Variants in KCNN2 observed in about 807,000 individuals in gnomAD.
KCNN2 encodes small conductance calcium-activated potassium channel protein 2.
Under a neutral mutation model 55.5 loss-of-function variants are expected in KCNN2, and 24 were observed. The ratio of observed to expected loss-of-function variants is 0.43; its 90% CI spans 0.31 to 0.61. The LOEUF (loss-of-function observed/expected upper bound fraction) is 0.61, where lower values mean the gene tolerates loss of function less well. Ranked by LOEUF, KCNN2 falls within the 20% of genes least tolerant of loss-of-function variation. KCNN2 has a pLI of 0.08. For synonymous variants in KCNN2, 431 were observed against 336.1 expected, an observed-to-expected ratio of 1.28 and a Z score of -3.09; for missense variants, 754 against 853.6, an observed-to-expected ratio of 0.88 and a Z score of 1.45.
chr5:114,325,937 G>T (rs1302391301), intron 2 of KCNN2, among the ~76,000 whole-genome samples: 1 of 152,208 alleles, frequency 6.6e-6, no homozygotes, highest in Non-Finnish European at 1.5e-5. Flanking sequence ...AATACTTCCA[G>T]TGGGGTCTGG....
intron 2 of KCNN2, among the ~76,000 whole-genome samples, chr5:114,371,164 C>G (rs1580758895): frequency 6.6e-6 from 1 of 152,138 alleles, no homozygotes; most frequent in African/African-American, 2.4e-5. Flanking sequence ...GAAGGGAAGA[C>G]TCAAATTGAG....
intron 5 of KCNN2, among the ~76,000 whole-genome samples, chr5:114,479,580 G>T (rs1362311678): frequency 3.3e-5 from 5 of 151,456 alleles, no homozygotes; most frequent in African/African-American, 9.7e-5. Flanking sequence ...AATACACATT[G>T]TTCTGATCGC....
chr5:114,329,717 A>G (rs1466137824), intron 2 of KCNN2, among the ~76,000 whole-genome samples: 1 of 152,150 alleles, frequency 6.6e-6, no homozygotes. Context: ...TCTCCTTTAT[A>G]TATACATATA....
At chr5:114,223,464 T>C (rs1447700755) in intron 2 of KCNN2, among the ~76,000 whole-genome samples, 2 of 152,160 alleles carry the variant, frequency 1.3e-5, no homozygotes, top group African/African-American at 2.4e-5. Context: ...ATAAATAATA[T>C]ATGATGATCA....
At chr5:114,123,879 A>G (rs772656197) in intron 1 of KCNN2, among the ~76,000 whole-genome samples, 12 of 152,058 alleles carry the variant, frequency 7.9e-5, no homozygotes, top group Non-Finnish European at 4.4e-5. Context: ...TGGTTTCTTG[A>G]TGCTCTTACT....
At chr5:114,263,731 C>T (rs1755156739) in intron 2 of KCNN2, among the ~76,000 whole-genome samples, 1 of 152,148 alleles carries the variant, frequency 6.6e-6, no homozygotes, top group Non-Finnish European at 1.5e-5. Flanking sequence ...AAGAGTGATT[C>T]CATTAGCTAA....
intron 7 of KCNN2, among the ~76,000 whole-genome samples, chr5:114,495,435 A>G (rs1748066359): frequency 6.6e-6 from 1 of 152,250 alleles, no homozygotes; most frequent in Admixed American, 6.5e-5. Flanking sequence ...CATTTCTGCT[A>G]CATCCCAATG....
chr5:114,081,768 C>G (rs916089954), intron 1 of KCNN2, among the ~76,000 whole-genome samples: 2 of 152,072 alleles, frequency 1.3e-5, no homozygotes, highest in Non-Finnish European at 2.9e-5. Flanking sequence ...GTAAACAAAT[C>G]AGATTTCATG....
chr5:114,150,119 C>T lies in KCNN2; in HGVS notation c.-270-71361C>T, dbSNP rs572208949. Among the ~76,000 whole-genome samples the T allele has an allele frequency of 1.5e-4, 23 of 152,296 alleles. No individual in the cohort carries two copies. In the South Asian group the frequency reaches 4.4e-3, roughly 29 times the overall value. On this transcript the variant is annotated intron_variant, in intron 1 of 10. Transcript: ENST00000512097. The stretch of plus-strand genomic sequence containing the variant: ...CGTACTGTTGGCTCATTCTGGCAGT[C>T]CAACCTGGCATTGACTTTACATAGT...
intron 2 of KCNN2, among the ~76,000 whole-genome samples, chr5:114,241,634 G>A (rs377676623): frequency 6.8e-6 from 1 of 147,906 alleles, no homozygotes; most frequent in Non-Finnish European, 1.5e-5. Context: ...AGGCAAAAAC[G>A]TAATCTATGT....
intron 1 of KCNN2, among the ~76,000 whole-genome samples, chr5:114,187,189 C>A (rs1753351242): frequency 6.6e-6 from 1 of 152,032 alleles, no homozygotes; most frequent in Non-Finnish European, 1.5e-5. Flanking sequence ...TTATTTGTTA[C>A]CTTATATTAA....
rs183507562 is a variant in KCNN2 at position 114,428,017 on chromosome 5, A to G, written c.1637+23161A>G. 8.8e-3 allele frequency among the ~76,000 whole-genome samples: 1,347 copies of G among 152,302 alleles called. 7 individuals carry two copies. The highest frequency in any genetic ancestry group is 0.015 in the Non-Finnish European group (1,000 of 68,014). On this transcript the variant is annotated intron_variant, in intron 3 of 7. Coordinates refer to ENST00000673685, the MANE Select transcript of KCNN2 (RefSeq NM_021614.4). ...TTATATGTATGAGAAGGTAAAGGAGAAAAGCTGTAATACCTCGGGCCTGTT... is the reference window on the plus strand; with the variant it reads ...TTATATGTATGAGAAGGTAAAGGAGGAAAGCTGTAATACCTCGGGCCTGTT...
intron 2 of KCNN2, among the ~76,000 whole-genome samples, chr5:114,257,256 C>T (rs539790762): frequency 1.3e-5 from 2 of 152,196 alleles, no homozygotes; most frequent in East Asian, 3.9e-4. Flanking sequence ...GTTTTGGTTA[C>T]TACACCCTGT....
intron 3 of KCNN2, among the ~76,000 whole-genome samples, chr5:114,421,000 TGTG>T (rs922086067): frequency 6.6e-6 from 1 of 152,218 alleles, no homozygotes; most frequent in African/African-American, 2.4e-5. Context: ...GACTAAAAAT[TGTG>T]GTGGTGATTC....
chr5:114,426,378 G>A (rs1452946288), intron 3 of KCNN2, among the ~76,000 whole-genome samples: 2 of 152,138 alleles, frequency 1.3e-5, no homozygotes, highest in South Asian at 2.1e-4. Context: ...TTACCTGTAT[G>A]TGTTGCTGAA....
At chr5:114,177,690 C>G (rs1233126703) in intron 1 of KCNN2, among the ~76,000 whole-genome samples, 2 of 151,738 alleles carry the variant, frequency 1.3e-5, no homozygotes, top group Non-Finnish European at 2.9e-5. Flanking sequence ...TTATAGAGTA[C>G]TTTAATTAAA....
chr5:114,064,405 C>T (rs1750396533), intron 1 of KCNN2, among the ~76,000 whole-genome samples: 1 of 152,190 alleles, frequency 6.6e-6, no homozygotes, highest in African/African-American at 2.4e-5. Flanking sequence ...AGCCAGTCTC[C>T]ATGCTAGAGG....
At chr5:114,338,512 TGAA>T (rs1561576612) in intron 2 of KCNN2, among the ~76,000 whole-genome samples, 1 of 152,168 alleles carries the variant, frequency 6.6e-6, no homozygotes, top group Non-Finnish European at 1.5e-5. Flanking sequence ...ATAAAAATGT[TGAA>T]ACTTAGAAAA....
chr5:114,333,256 T>A (rs13183492), intron 2 of KCNN2, among the ~76,000 whole-genome samples: 2 of 152,166 alleles, frequency 1.3e-5, no homozygotes, highest in African/African-American at 4.8e-5. Flanking sequence ...CAAATGAAAA[T>A]TGGACAGGCA....
Sources: gnomAD v4.1 joint callset for allele counts (sites outside exome capture counted in the v4.1 genomes callset) on GRCh38, gnomAD v4.1.1 for gene constraint, MANE v1.5 for transcripts, NCBI Gene and HGNC (gene_info 2026-07-23, HGNC 2026-07-21) for gene names.